The following NUDCD1 variants were observed in gnomAD, a reference collection of about 807,000 sequenced individuals.
NUDCD1 encodes the protein nudC domain-containing protein 1.
In NUDCD1, 60 loss-of-function variants were observed where a neutral mutation model predicts 67.8. The ratio of observed to expected loss-of-function variants is 0.88; its 90% confidence interval spans 0.72 to 1.10. The LOEUF (loss-of-function observed/expected upper bound fraction) is 1.10, where lower values mean the gene tolerates loss of function less well. NUDCD1 is among the 50% of genes least tolerant of loss of function. The pLI is 0.00. For synonymous variants in NUDCD1, 244 were observed against 230.8 expected (o/e 1.06, Z -0.52); for missense variants, 643 against 695.0 (o/e 0.93, Z 0.84).
In NUDCD1 at chr8:109,243,258, A is replaced by C. The variant is rs1410519457; in HGVS notation, c.1503T>G (p.Cys501Trp). ...GGGCTGCATACGAGTAATTTGGAGC[A>C]CAGGCAAAAAATTTTTTGTCTCTCT... ...ASKRDKKFFA[C>W]APNYSYAALC... Residue 501 changes from cysteine (C) to tryptophan (W), a missense_variant, in exon 10 of 10, where the codon TGT becomes TGG. Coordinates refer to ENST00000239690, the MANE Select transcript of NUDCD1 (RefSeq NM_032869.4). 3.1e-6 allele frequency: 5 copies of C among 1,604,214 alleles called. No homozygotes were observed. The highest frequency in any genetic ancestry group is 4.3e-6 in the Non-Finnish European group (5 of 1,172,784).
At position 109,260,305 on chromosome 8, in the gene NUDCD1, G is replaced by A. The variant is rs572849475; in HGVS notation, c.1299+10700C>T. ...CAACTCTTGGGCTCAAGAGATCTTC[G>A]GGCCTCAGGCCCCTGAGTAGCTAGG... is the stretch of plus-strand genomic sequence containing the variant. On this transcript the variant is annotated intron_variant, in intron 8 of 9. Transcript: ENST00000239690. 5.9e-5 allele frequency among the ~76,000 whole-genome samples: 9 copies of A among 152,184 alleles called. No homozygotes were observed. The East Asian group carries it at 9.7e-4, about 16-fold the overall frequency.
At chr8:109,253,109 T>A (rs897771799) in intron 8 of NUDCD1, among the ~76,000 whole-genome samples, 3 of 152,210 alleles carry the variant, frequency 2.0e-5, no homozygotes, top group Non-Finnish European at 4.4e-5. Flanking sequence ...CTTTAATCTA[T>A]TGATTTATAA....
intron 2 of NUDCD1, among the ~76,000 whole-genome samples, chr8:109,313,243 G>T (rs1815297800): frequency 6.6e-6 from 1 of 152,152 alleles, no homozygotes; most frequent in Non-Finnish European, 1.5e-5. Context: ...TGTCTGGAGA[G>T]CATTGGCAGG....
At chr8:109,314,880 A>C (rs111727124) in intron 2 of NUDCD1, among the ~76,000 whole-genome samples, 3,140 of 152,182 alleles carry the variant, frequency 0.021, 107 homozygotes, top group African/African-American at 0.071. Flanking sequence ...TAAGTAGAGA[A>C]TCTTTGAACT....
chr8:109,287,173 G>A (rs1452369477), intron 5 of NUDCD1, among the ~76,000 whole-genome samples: 1 of 152,258 alleles, frequency 6.6e-6, no homozygotes, highest in East Asian at 1.9e-4. Context: ...AGGGAATGAT[G>A]ATACACTATT....
chr8:109,302,349 C>A (rs1393822373), intron 2 of NUDCD1, among the ~76,000 whole-genome samples: 2 of 152,168 alleles, frequency 1.3e-5, no homozygotes. Context: ...CCTTCCTAAT[C>A]TCTGCTCCCA....
intron 9 of NUDCD1, among the ~76,000 whole-genome samples, chr8:109,243,691 C>A (rs1299969276): frequency 6.6e-6 from 1 of 152,108 alleles, no homozygotes; most frequent in African/African-American, 2.4e-5. Context: ...ATCACAGAAC[C>A]ATTTTTTTCC....
intron 7 of NUDCD1, among the ~76,000 whole-genome samples, chr8:109,273,906 G>A (rs1814216949): frequency 6.6e-6 from 1 of 151,926 alleles, no homozygotes; most frequent in South Asian, 2.1e-4. Flanking sequence ...CTCACAAATA[G>A]ACATAAAAAT....
intron 5 of NUDCD1, among the ~76,000 whole-genome samples, chr8:109,284,001 AAAAAAAC>A (rs1814516790): frequency 1.3e-5 from 2 of 151,458 alleles, no homozygotes; most frequent in African/African-American, 2.4e-5. Flanking sequence ...AAAAAAAAAA[AAAAAAAC>A]AAAACAAAAA....
intron 2 of NUDCD1, among the ~76,000 whole-genome samples, chr8:109,311,559 G>GTGTGTGTATGTGTATATATATATA: frequency 8.0e-6 from 1 of 125,120 alleles, no homozygotes; most frequent in African/African-American, 3.5e-5. Flanking sequence ...AAACTGTGGT[G>GTGTGTGTATGTGTATATATATATA]TATATATATA....
chr8:109,292,329 C>A (rs1814729163), intron 4 of NUDCD1, among the ~76,000 whole-genome samples: 1 of 151,954 alleles, frequency 6.6e-6, no homozygotes, highest in Admixed American at 6.6e-5. Flanking sequence ...GATAAAACTA[C>A]AACACCAAAA....
intron 1 of NUDCD1, among the ~76,000 whole-genome samples, chr8:109,323,928 C>G (rs1000517445): frequency 6.6e-6 from 1 of 151,926 alleles, no homozygotes; most frequent in Admixed American, 6.6e-5. Context: ...CAAAAATCAA[C>G]TCAAAAACTA....
intron 9 of NUDCD1, among the ~76,000 whole-genome samples, chr8:109,243,815 C>T (rs185851622): frequency 7.8e-4 from 119 of 152,130 alleles, no homozygotes; most frequent in African/African-American, 2.8e-3. Context: ...CTTATTATCC[C>T]TAAAATGTTA....
intron 2 of NUDCD1, among the ~76,000 whole-genome samples, chr8:109,297,802 TATA>T (rs1323831124): frequency 2.6e-5 from 4 of 152,258 alleles, no homozygotes; most frequent in African/African-American, 9.6e-5. Flanking sequence ...TTTAAAGGTC[TATA>T]ATTTAGAAGA....
intron 2 of NUDCD1, among the ~76,000 whole-genome samples, chr8:109,299,783 T>C (rs1275087867): frequency 6.6e-6 from 1 of 152,074 alleles, no homozygotes; most frequent in Non-Finnish European, 1.5e-5. Context: ...CACCTCCTAA[T>C]AGAGAGCAAA....
chr8:109,307,020 TAAG>T (rs1815123457), intron 2 of NUDCD1, among the ~76,000 whole-genome samples: 3 of 152,244 alleles, frequency 2.0e-5, no homozygotes, highest in African/African-American at 7.2e-5. Context: ...CTTATTAATA[TAAG>T]AAGACAGGAA....
At chr8:109,323,235 T>C (rs1815584315) in intron 1 of NUDCD1, among the ~76,000 whole-genome samples, 1 of 152,174 alleles carries the variant, frequency 6.6e-6, no homozygotes. Flanking sequence ...TATCCTACCC[T>C]AATATAAAAC....
At chr8:109,329,674 G>T in intron 1 of NUDCD1, 1 of 744,422 alleles carries the variant, frequency 1.3e-6, no homozygotes, top group Non-Finnish European at 2.1e-6. Flanking sequence ...TATCTTGATT[G>T]TGGTGATGAT....
At position 109,284,247 on chromosome 8, in the gene NUDCD1, A is replaced by T. The variant is rs574040836; in HGVS notation, c.824-3075T>A. On this transcript the variant is annotated intron_variant, in intron 5 of 9. Transcript: ENST00000239690. ...TTCAATGAGAAGACTGAACTATCCC[A>T]AATATATATGTGCTCAACATTGGAG... Among the ~76,000 whole-genome samples the T allele has an allele frequency of 2.6e-4, 39 of 152,340 alleles. No individual in the cohort carries two copies. The South Asian group carries it at 8.1e-3, about 32-fold the overall frequency.
Sources: gnomAD v4.1 joint callset for allele counts (sites outside exome capture counted in the v4.1 genomes callset) on GRCh38, gnomAD v4.1.1 for gene constraint, MANE v1.5 for transcripts, NCBI Gene and HGNC (gene_info 2026-07-23, HGNC 2026-07-21) for gene names.